Variants in RAVER1 observed in about 807,000 individuals in gnomAD.
RAVER1 encodes ribonucleoprotein, PTB binding 1.
In RAVER1, 36 loss-of-function variants were observed where a neutral mutation model predicts 68.4. The observed-to-expected ratio is 0.53, with a 90% CI of 0.40 to 0.70. The LOEUF is 0.70. Among genes scored for constraint, RAVER1 ranks in the 30% least tolerant of loss-of-function variants. The pLI, the probability that RAVER1 is intolerant of heterozygous loss-of-function variation, is 0.00. For missense variants in RAVER1, 933 were observed against 1,019.8 expected (o/e 0.91, Z 1.16); for synonymous variants, 469 against 472.7 (o/e 0.99, Z 0.10).
At chr19:10,321,286 G>A (rs974676359) in intron 7 of RAVER1, 27 bp from the exon 8 acceptor site, 8 of 1,176,932 alleles carry the variant, frequency 6.8e-6, no homozygotes, top group Non-Finnish European at 8.7e-6. Flanking sequence ...GATTTCAGGG[G>A]CCCAGGCTCA....
At position 10,317,638 on chromosome 19, in the gene RAVER1, G is replaced by T; in HGVS notation, c.2074-38C>A. ...GGCAGGGCGGGGCGGGTCAGGGGCC[G>T]CTGGGGGGCCGGGGCTTCCCAGCCC... On this transcript the variant is annotated intron_variant, in intron 12 of 12. Transcript: ENST00000617231. This position sits in a 1 kb window ranked among gnomAD's most constrained non-coding sequence, Gnocchi z 4.3. 6.5e-7 allele frequency: 1 copy of T among 1,547,938 alleles called. No individual in the cohort carries two copies.
At position 10,321,114 on chromosome 19, in the gene RAVER1, C is replaced by A. The variant is rs952125987; in HGVS notation, c.1407G>T (p.Val469=). The A allele has an allele frequency of 7.6e-7, 1 of 1,316,866 alleles. No homozygotes were observed. Among genetic ancestry groups the A allele is most frequent in the Admixed American group, 4.1e-5 (1 of 24,598 alleles). 81.6% of individuals were successfully genotyped at this position (1,316,866 alleles called of 1,614,324 possible). Residue 469 remains valine, a synonymous_variant, in exon 8 of 13, where the codon GTG becomes GTT. Transcript: ENST00000617231. ...AAQLTPPPAP[V]GLRGSGLRGL... Reference sequence around the variant, plus strand: ...CTCTGAGGCCAGAGCCTCGGAGCCCCACAGGGGCGGGGGGAGGAGTGAGCT... The same window carrying A: ...CTCTGAGGCCAGAGCCTCGGAGCCCAACAGGGGCGGGGGGAGGAGTGAGCT...
In RAVER1 at chr19:10,323,155, C is replaced by T. The variant is rs747324784; in HGVS notation, c.1068G>A (p.Gly356=). Residue 356 remains glycine (G), a synonymous_variant, in exon 5 of 13, where the codon GGG becomes GGA. Coordinates refer to ENST00000617231, the MANE Select transcript of RAVER1 (RefSeq NM_133452.3). This position sits in a 1 kb window ranked among gnomAD's most constrained non-coding sequence, Gnocchi z 6.2. ...LLNPLLHGSA[G]GKQGLLGAPP... ...CCAGCCCCACCTTACCCTGCTTCCC[C>T]CCCGCACTGCCATGGAGCAGGGGGT... 1.1e-5 allele frequency: 17 copies of T among 1,601,074 alleles called. No individual in the cohort carries two copies. In the East Asian group the frequency reaches 2.5e-4, roughly 23 times the overall value.
chr19:10,321,335 GACC>G, intron 7 of RAVER1, 76 bp from the exon 8 acceptor site: 1 of 848,930 alleles, frequency 1.2e-6, no homozygotes, highest in Non-Finnish European at 1.6e-6. Context: ...CTCCCACCTG[GACC>G]AGGGCCCAGG....
chr19:10,321,582 G>T lies in RAVER1; in HGVS notation c.1210C>A (p.Leu404Ile). The change falls in exon 7 of 13, where the codon CTC becomes ATC. Residue 404 changes from leucine to isoleucine, a missense_variant. Transcript: ENST00000617231. The part of the protein sequence containing the change: ...GILGDSPLGA[L>I]QPGAQPANPL... ...TTGGCTGGCTGGGCCCCAGGCTGGA[G>T]GGCGCCCAGGGGTGAGTCTCCCAGG... 1 of 1,387,422 alleles carries T rather than the reference G, an allele frequency of 7.2e-7. No homozygotes were observed. Among genetic ancestry groups the T allele is most frequent in the Non-Finnish European group, 9.4e-7 (1 of 1,064,222 alleles). 85.9% of individuals were successfully genotyped at this position (1,387,422 alleles called of 1,614,324 possible).
Position 10,322,438 on chromosome 19 carries a change from G to A in RAVER1, c.1173+207C>T. 1 of 513,192 alleles carries A rather than the reference G, an allele frequency of 1.9e-6. No individual in the cohort carries two copies. The allele number at this position is 513,192 out of a possible 1,614,324, so 31.8% of individuals were successfully genotyped here. A position where few individuals can be genotyped will look rare whatever the true frequency, so the allele number is the denominator to read the frequency against. On this transcript the variant is annotated intron_variant, in intron 6 of 12. Transcript: ENST00000617231. The surrounding 1 kb of genome is among the most constrained non-coding windows in gnomAD (Gnocchi z 4.3). ...TCCAGGGGCGCTCTCAGAATGGAGG[G>A]AAAGATGGCGAACCATCATGAGCAA...
chr19:10,321,288 C>A (rs1217698921), intron 7 of RAVER1, 29 bp from the exon 8 acceptor site: 9 of 1,164,706 alleles, frequency 7.7e-6, no homozygotes, highest in Non-Finnish European at 9.9e-6. Context: ...TTTCAGGGGC[C>A]CAGGCTCACA....
chr19:10,321,721 C>T (rs75617577), intron 6 of RAVER1, 103 bp from the exon 7 acceptor site: 34,327 of 900,470 alleles, frequency 0.038, 733 homozygotes, highest in East Asian at 0.065. Flanking sequence ...CTCCAGGGCA[C>T]GGCCGATCCT....
rs960708063 is a variant in RAVER1, at chr19:10,323,742, G to C, written c.757-176C>G. 6.6e-6 allele frequency among the ~76,000 whole-genome samples: 1 copy of C among 152,146 alleles called. No homozygotes were observed. The highest frequency in any genetic ancestry group is 2.4e-5 in the African/African-American group (1 of 41,424). On this transcript the variant is annotated intron_variant, in intron 3 of 12. Coordinates refer to ENST00000617231, the MANE Select transcript of RAVER1 (RefSeq NM_133452.3). The surrounding 1 kb of genome is among the most constrained non-coding windows in gnomAD (Gnocchi z 6.2). ...CATCTGATTTTCCCAATGACCCTGG[G>C]AGGCTGCATCATACCCATTTCTCAG...
intron 9 of RAVER1, among the ~76,000 whole-genome samples, chr19:10,320,314 G>A (rs1469152181): frequency 6.6e-6 from 1 of 151,806 alleles, no homozygotes; most frequent in Non-Finnish European, 1.5e-5. Context: ...GACCAGCCTG[G>A]ACAACACAAT....
At chr19:10,319,407 A>AG (rs1399905080) in intron 9 of RAVER1, among the ~76,000 whole-genome samples, 167 bp from the exon 10 acceptor site, 1 of 152,242 alleles carries the variant, frequency 6.6e-6, no homozygotes, top group East Asian at 1.9e-4. Context: ...GCTGCTGTGA[A>AG]GGGGGGTGCC....
intron 1 of RAVER1, among the ~76,000 whole-genome samples, chr19:10,332,105 C>T (rs2040523628): frequency 6.6e-6 from 1 of 152,194 alleles, no homozygotes; most frequent in Admixed American, 6.5e-5. Context: ...AGTGATCCTC[C>T]CACCTCAGCC....
At position 10,317,039 on chromosome 19, in the gene RAVER1, C is replaced by A; in HGVS notation, c.*415G>T. The stretch of plus-strand genomic sequence containing the variant: ...AAAACTTAGAAAAGGAAACAGAAGT[C>A]AGTTGTCAAAGTTAAAAAAAAAGGA... On this transcript the variant is annotated 3_prime_UTR_variant, in exon 13 of 13. Coordinates refer to ENST00000617231, the MANE Select transcript of RAVER1 (RefSeq NM_133452.3). The surrounding 1 kb of genome is among the most constrained non-coding windows in gnomAD (Gnocchi z 4.3). 1 of 219,528 alleles carries A rather than the reference C, an allele frequency of 4.6e-6. No homozygotes were observed. The highest frequency in any genetic ancestry group is 8.9e-6 in the Non-Finnish European group (1 of 112,268). The allele number at this position is 219,528 out of a possible 1,614,324, so 13.6% of individuals were successfully genotyped here.
At chr19:10,318,645 CCA>C (rs2040412938) in intron 10 of RAVER1, among the ~76,000 whole-genome samples, 1 of 152,192 alleles carries the variant, frequency 6.6e-6, no homozygotes, top group Non-Finnish European at 1.5e-5. Context: ...CAGGCGTGAG[CCA>C]CCATGCCCGG....
At position 10,321,637 on chromosome 19, in the gene RAVER1, C is replaced by T; in HGVS notation, c.1174-19G>A. On this transcript the variant is annotated intron_variant, in intron 6 of 12. Transcript: ENST00000617231. ...CGGGCTTCTAGGGACAGAGCACAGACAGTTGCAGATGGGGGCAGGGTGGCC... is the reference window on the plus strand; with the variant it reads ...CGGGCTTCTAGGGACAGAGCACAGATAGTTGCAGATGGGGGCAGGGTGGCC... The T allele has an allele frequency of 1.4e-6, 2 of 1,408,934 alleles. No homozygotes were observed. Among genetic ancestry groups the T allele is most frequent in the Non-Finnish European group, 1.9e-6 (2 of 1,075,868 alleles). 87.3% of individuals were successfully genotyped at this position (1,408,934 alleles called of 1,614,324 possible). A position where few individuals can be genotyped will look rare whatever the true frequency, so the allele number is the denominator to read the frequency against.
chr19:10,323,339 AT>A lies in RAVER1; in HGVS notation c.948+35del, dbSNP rs766691603. ...GCCCTGACATCCCCATGGGGCTCCC[AT>A]CCCCACCCCGCCACCTCTGCCCGCA... On this transcript the variant is annotated intron_variant, in intron 4 of 12. Transcript: ENST00000617231. The surrounding 1 kb of genome is among the most constrained non-coding windows in gnomAD (Gnocchi z 6.2). 2.5e-6 allele frequency: 4 copies of A among 1,608,850 alleles called. No individual in the cohort carries two copies. In the South Asian group the frequency reaches 4.4e-5, roughly 18 times the overall value.
chr19:10,325,372 A>G (rs964129457), intron 3 of RAVER1, among the ~76,000 whole-genome samples: 2 of 151,810 alleles, frequency 1.3e-5, no homozygotes, highest in African/African-American at 4.8e-5. Context: ...CCACAGGCAC[A>G]TGCCACCACA....
chr19:10,330,583 A>G, intron 1 of RAVER1, 57 bp from the exon 2 acceptor site: 1 of 802,530 alleles, frequency 1.2e-6, no homozygotes, highest in Non-Finnish European at 2.1e-6. Context: ...GGGGCAACCC[A>G]GTGCCGCTTC....
At position 10,329,877 on chromosome 19, in the gene RAVER1, G is replaced by A. The variant is rs1311383213; in HGVS notation, c.286+583C>T. On this transcript the variant is annotated intron_variant, in intron 2 of 12. Transcript: ENST00000617231. The surrounding 1 kb of genome is among the most constrained non-coding windows in gnomAD (Gnocchi z 4.6). ...ACACTCCAGAGGGGCCTTTGCAGCT[G>A]CTGTTTCTTGAGCATGGAACACTGA... Among the ~76,000 whole-genome samples, 6 of 152,036 alleles carry A rather than the reference G, an allele frequency of 3.9e-5. No homozygotes were observed.
Sources: allele counts gnomAD v4.1 joint callset (sites outside exome capture counted in the v4.1 genomes callset), GRCh38; gene constraint gnomAD v4.1.1; non-coding constraint Gnocchi (gnomAD v3.1); transcripts MANE v1.5; gene names NCBI Gene and HGNC (gene_info 2026-07-23, HGNC 2026-07-21).